SFMBT1: variants seen among roughly 807,000 people sequenced by gnomAD.
SFMBT1 encodes Scm like with four mbt domains 1.
A neutral mutation model predicts 108.7 loss-of-function variants in SFMBT1; 32 were observed. The ratio of observed to expected loss-of-function variants is 0.29; its 90% confidence interval spans 0.22 to 0.40. SFMBT1 has a LOEUF of 0.40. Ranked by LOEUF, SFMBT1 falls within the 10% of genes least tolerant of loss-of-function variation. The probability of loss-of-function intolerance (pLI) is 1.00; values close to 1 mark genes in which losing one functional copy is unlikely to be tolerated. For synonymous variants in SFMBT1, 348 were observed against 369.5 expected (o/e 0.94, Z 0.67); for missense variants, 816 against 1,059.6 (o/e 0.77, Z 3.19).
intron 1 of SFMBT1, among the ~76,000 whole-genome samples, chr3:52,980,894 A>G (rs1210076005): frequency 6.6e-6 from 1 of 152,214 alleles, no homozygotes; most frequent in Non-Finnish European, 1.5e-5. Context: ...CGGTCGCGGT[A>G]GCTCACGCCT....
At chr3:52,928,414 AC>A in intron 8 of SFMBT1, 73 bp from the exon 9 acceptor site, 1 of 1,508,724 alleles carries the variant, frequency 6.6e-7, no homozygotes. Context: ...GCACAGCCAA[AC>A]ATATTACAAA....
chr3:52,976,360 AAG>A (rs1704519791), intron 1 of SFMBT1, among the ~76,000 whole-genome samples: 1 of 152,244 alleles, frequency 6.6e-6, no homozygotes, highest in Non-Finnish European at 1.5e-5. Context: ...GTTTGTGATA[AAG>A]AGAGCATTCC....
chr3:52,998,188 G>A (rs1452759713), intron 1 of SFMBT1, among the ~76,000 whole-genome samples: 2 of 149,866 alleles, frequency 1.3e-5, no homozygotes, highest in East Asian at 3.9e-4. Flanking sequence ...GGCCAAGACG[G>A]GCAGATCACG....
intron 8 of SFMBT1, chr3:52,928,639 T>TATATATATATATACACATATATAC (rs1559514075): frequency 5.6e-5 from 1 of 17,958 alleles, no homozygotes; most frequent in Admixed American, 1.7e-3. Context: ...TATATATACA[T>TATATATATATATACACATATATAC]ATATATATAT....
At chr3:53,010,447 G>T (rs1395452737) in intron 1 of SFMBT1, among the ~76,000 whole-genome samples, 2 of 152,242 alleles carry the variant, frequency 1.3e-5, no homozygotes, top group Admixed American at 1.3e-4. Flanking sequence ...TGAACCCTCT[G>T]TGGGGCTGGT....
intron 1 of SFMBT1, among the ~76,000 whole-genome samples, chr3:52,983,780 G>C (rs1704808070): frequency 6.6e-6 from 1 of 152,248 alleles, no homozygotes; most frequent in Admixed American, 6.5e-5. Context: ...GAGATGCTAG[G>C]AGATGAACTC....
intron 4 of SFMBT1, among the ~76,000 whole-genome samples, chr3:52,942,669 C>CACCCAGCT (rs1471993075): frequency 6.6e-6 from 1 of 152,202 alleles, no homozygotes; most frequent in African/African-American, 2.4e-5. Flanking sequence ...TGAGCCACCA[C>CACCCAGCT]ACCCAGCTAA....
chr3:52,980,891 G>A (rs1268159498), intron 1 of SFMBT1, among the ~76,000 whole-genome samples: 1 of 152,154 alleles, frequency 6.6e-6, no homozygotes, highest in Non-Finnish European at 1.5e-5. Context: ...GTCCGGTCGC[G>A]GTAGCTCACG....
chr3:52,930,587 T>C (rs556620249), intron 7 of SFMBT1, among the ~76,000 whole-genome samples, 157 bp from the exon 8 acceptor site: 26 of 152,320 alleles, frequency 1.7e-4, no homozygotes, highest in African/African-American at 5.5e-4. Context: ...AATTTTCTAC[T>C]CTGGAAAAAA....
intron 1 of SFMBT1, among the ~76,000 whole-genome samples, chr3:53,032,140 C>T (rs934568331): frequency 2.0e-4 from 31 of 152,066 alleles, no homozygotes; most frequent in African/African-American, 7.2e-4. Flanking sequence ...GAGCCCAAGG[C>T]GAGTGGAATG....
intron 1 of SFMBT1, among the ~76,000 whole-genome samples, chr3:53,010,226 G>A (rs1698894771): frequency 6.6e-6 from 1 of 152,224 alleles, no homozygotes; most frequent in Non-Finnish European, 1.5e-5. Context: ...ACAAGCAAGT[G>A]AAACTTCTTT....
chr3:52,946,557 T>C (rs13072395), intron 3 of SFMBT1, among the ~76,000 whole-genome samples: 10,333 of 152,324 alleles, frequency 0.068, 426 homozygotes, highest in Non-Finnish European at 0.094. Context: ...ACTATATGAA[T>C]ATGTCACAAT....
chr3:53,006,628 C>CAAAA (rs145854514), intron 1 of SFMBT1, among the ~76,000 whole-genome samples: 11 of 126,314 alleles, frequency 8.7e-5, no homozygotes, highest in African/African-American at 3.0e-4. Context: ...AACTCCGTCT[C>CAAAA]AAAAAAAAAA....
intron 1 of SFMBT1, among the ~76,000 whole-genome samples, chr3:52,999,497 A>G (rs1409808535): frequency 2.0e-5 from 3 of 150,274 alleles, no homozygotes; most frequent in Non-Finnish European, 4.5e-5. Flanking sequence ...GGGACATCGC[A>G]GGGGAGGCAA....
intron 19 of SFMBT1, among the ~76,000 whole-genome samples, 174 bp from the exon 20 acceptor site, chr3:52,906,415 C>T (rs1292706101): frequency 6.6e-6 from 1 of 152,188 alleles, no homozygotes; most frequent in Non-Finnish European, 1.5e-5. Flanking sequence ...CAGGAAATGT[C>T]TGTCTTTTAT....
At chr3:52,951,217 T>TTTTC (rs1703581107) in intron 3 of SFMBT1, among the ~76,000 whole-genome samples, 1 of 149,860 alleles carries the variant, frequency 6.7e-6, no homozygotes, top group Non-Finnish European at 1.5e-5. Context: ...CTAACACTCT[T>TTTTC]TTTTCCTTCC....
At chr3:52,946,223 C>A (rs1208804431) in intron 3 of SFMBT1, among the ~76,000 whole-genome samples, 1 of 152,168 alleles carries the variant, frequency 6.6e-6, no homozygotes, top group East Asian at 1.9e-4. Flanking sequence ...CTGTCATATA[C>A]CAGAGAAGAC....
At chr3:52,924,219 G>C (rs188218399) in intron 10 of SFMBT1, among the ~76,000 whole-genome samples, 36 of 152,154 alleles carry the variant, frequency 2.4e-4, no homozygotes, top group African/African-American at 8.4e-4. Context: ...TGAGAGATGG[G>C]GATCCATCAA....
chr3:52,985,706 G>C (rs943003046), intron 1 of SFMBT1, among the ~76,000 whole-genome samples: 2 of 152,064 alleles, frequency 1.3e-5, no homozygotes, highest in Non-Finnish European at 2.9e-5. Flanking sequence ...TAGATGGTGC[G>C]GCCTACTATA....
Sources: allele counts gnomAD v4.1 joint callset (sites outside exome capture counted in the v4.1 genomes callset), GRCh38; gene constraint gnomAD v4.1.1; transcripts MANE v1.5; gene names NCBI Gene and HGNC (gene_info 2026-07-23, HGNC 2026-07-21).